DCC: variants seen among roughly 807,000 people sequenced by gnomAD.
DCC encodes the protein DCC netrin 1 receptor.
A neutral mutation model predicts 172.5 loss-of-function variants in DCC; 58 were observed. That is an observed-to-expected ratio of 0.34 (90% CI 0.27 to 0.42). DCC has a LOEUF of 0.42. DCC is among the 10% of genes least tolerant of loss of function. The probability of loss-of-function intolerance (pLI) is 1.00; values close to 1 mark genes in which losing one functional copy is unlikely to be tolerated. For missense variants in DCC, 1,740 were observed against 1,791.0 expected (o/e 0.97, Z 0.51); for synonymous variants, 709 against 644.5 (o/e 1.10, Z -1.52).
At chr18:52,993,875 G>C (rs987737897) in intron 5 of DCC, among the ~76,000 whole-genome samples, 1 of 151,202 alleles carries the variant, frequency 6.6e-6, no homozygotes, top group Non-Finnish European at 1.5e-5. Context: ...CTCTCTCTCT[G>C]TAATGTGGAT....
At chr18:53,300,712 TG>T (rs1373298256) in intron 12 of DCC, among the ~76,000 whole-genome samples, 1 of 152,160 alleles carries the variant, frequency 6.6e-6, no homozygotes, top group African/African-American at 2.4e-5. Flanking sequence ...AATTCAGTGC[TG>T]GGGTGAGGGC....
intron 1 of DCC, among the ~76,000 whole-genome samples, chr18:52,448,201 C>T (rs9967185): frequency 4.8e-4 from 73 of 152,256 alleles, no homozygotes; most frequent in African/African-American, 1.6e-3. Flanking sequence ...ACTGCACATT[C>T]GAGGGATCGA....
At position 52,778,923 on chromosome 18, in the gene DCC, A is replaced by G. The variant is rs537762926; in HGVS notation, c.412+26549A>G. 1.4e-4 allele frequency among the ~76,000 whole-genome samples: 21 copies of G among 152,308 alleles called. No homozygotes were observed. In the East Asian group the frequency reaches 2.7e-3, roughly 20 times the overall value. ...GCCCTGCTCATCAACTGATAGGATCATACTTTTCCCACTGCTTTCCAGTGA... is the reference window on the plus strand; with the variant it reads ...GCCCTGCTCATCAACTGATAGGATCGTACTTTTCCCACTGCTTTCCAGTGA... On this transcript the variant is annotated intron_variant, in intron 2 of 28. Transcript: ENST00000442544.
intron 15 of DCC, among the ~76,000 whole-genome samples, chr18:53,378,384 G>A (rs1250984774): frequency 6.6e-6 from 1 of 152,072 alleles, no homozygotes; most frequent in Non-Finnish European, 1.5e-5. Flanking sequence ...ATATCTTACA[G>A]AAGATGTTCA....
intron 1 of DCC, among the ~76,000 whole-genome samples, chr18:52,609,316 T>C (rs1010473415): frequency 2.6e-5 from 4 of 152,034 alleles, no homozygotes; most frequent in Non-Finnish European, 5.9e-5. Context: ...TTAGTTGTGT[T>C]GACAATTCTG....
intron 7 of DCC, among the ~76,000 whole-genome samples, chr18:53,154,084 A>C (rs2054689040): frequency 6.6e-6 from 1 of 152,152 alleles, no homozygotes; most frequent in Admixed American, 6.5e-5. Context: ...TTGTTTAGGA[A>C]AGGCAAATCC....
chr18:53,019,491 T>C (rs565301123), intron 5 of DCC, among the ~76,000 whole-genome samples: 1 of 152,284 alleles, frequency 6.6e-6, no homozygotes, highest in African/African-American at 2.4e-5. Context: ...GCAAACTTTT[T>C]ATTCCCAGGA....
At chr18:52,717,094 C>A (rs578144601) in intron 1 of DCC, among the ~76,000 whole-genome samples, 2 of 152,102 alleles carry the variant, frequency 1.3e-5, no homozygotes, top group Non-Finnish European at 2.9e-5. Context: ...GAGAACTGAC[C>A]GCAAGAGGGC....
chr18:53,355,285 A>G (rs2057865231), intron 15 of DCC, among the ~76,000 whole-genome samples: 1 of 70,372 alleles, frequency 1.4e-5, no homozygotes, highest in Non-Finnish European at 2.9e-5. Flanking sequence ...TATGAACCTT[A>G]AAGTAGGTTT....
intron 2 of DCC, among the ~76,000 whole-genome samples, chr18:52,797,402 G>A (rs1300284886): frequency 6.6e-6 from 1 of 152,176 alleles, no homozygotes; most frequent in Non-Finnish European, 1.5e-5. Flanking sequence ...ATAGGCCTTT[G>A]TAAGGAAAGA....
At chr18:53,155,931 G>A (rs7226725) in intron 7 of DCC, among the ~76,000 whole-genome samples, 17,036 of 152,206 alleles carry the variant, frequency 0.11, 1,073 homozygotes, top group Non-Finnish European at 0.13. Flanking sequence ...GGAGGCTGAG[G>A]CAGAAATAAA....
At chr18:53,278,706 GC>G (rs1450674930) in intron 12 of DCC, among the ~76,000 whole-genome samples, 1 of 152,050 alleles carries the variant, frequency 6.6e-6, no homozygotes, top group Admixed American at 6.6e-5. Flanking sequence ...TCAGCATTTA[GC>G]CCTAAAAGCA....
intron 1 of DCC, among the ~76,000 whole-genome samples, chr18:52,645,962 T>G (rs148696478): frequency 3.5e-4 from 53 of 152,328 alleles, no homozygotes; most frequent in African/African-American, 1.3e-3. Flanking sequence ...TTGGAATTAC[T>G]TTCAGATTTT....
At chr18:53,114,539 T>C (rs1178957061) in intron 7 of DCC, among the ~76,000 whole-genome samples, 1 of 151,642 alleles carries the variant, frequency 6.6e-6, no homozygotes, top group Non-Finnish European at 1.5e-5. Context: ...AGTTGCGATG[T>C]TATTTTTAAA....
chr18:53,250,818 T>A (rs1185086832), intron 12 of DCC, among the ~76,000 whole-genome samples: 3 of 151,908 alleles, frequency 2.0e-5, no homozygotes, highest in Non-Finnish European at 4.4e-5. Context: ...ATGTTACCCA[T>A]GTTCAGGATC....
At chr18:52,893,650 A>G (rs1285751179) in intron 2 of DCC, among the ~76,000 whole-genome samples, 1 of 152,196 alleles carries the variant, frequency 6.6e-6, no homozygotes, top group Non-Finnish European at 1.5e-5. Flanking sequence ...TCTGAAATCC[A>G]GAAGATTGAA....
At chr18:53,529,197 T>C (rs1346646808) in intron 28 of DCC, among the ~76,000 whole-genome samples, 2 of 152,168 alleles carry the variant, frequency 1.3e-5, no homozygotes, top group Non-Finnish European at 2.9e-5. Context: ...CTGAGATTTC[T>C]ATAGGAAGCT....
chr18:53,002,512 A>G (rs7242428), intron 5 of DCC, among the ~76,000 whole-genome samples: 27,890 of 152,014 alleles, frequency 0.18, 2,989 homozygotes, highest in African/African-American at 0.31. Context: ...GGATGGTGAG[A>G]TAATTCACAA....
At chr18:53,390,113 T>A (rs1908443562) in intron 16 of DCC, among the ~76,000 whole-genome samples, 1 of 152,174 alleles carries the variant, frequency 6.6e-6, no homozygotes, top group South Asian at 2.1e-4. Context: ...TTGTGGAGAC[T>A]GCAACGTCTT....
Sources: gnomAD v4.1 joint callset for allele counts (sites outside exome capture counted in the v4.1 genomes callset) on GRCh38, gnomAD v4.1.1 for gene constraint, MANE v1.5 for transcripts, NCBI Gene and HGNC (gene_info 2026-07-23, HGNC 2026-07-21) for gene names.